The following LRBA variants were observed in gnomAD, a reference collection of about 807,000 sequenced individuals.
LRBA encodes LPS responsive beige-like anchor protein.
In LRBA, 176 loss-of-function variants were observed where a neutral mutation model predicts 330.0. The ratio of observed to expected loss-of-function variants is 0.53; its 90% confidence interval spans 0.47 to 0.60. The LOEUF (loss-of-function observed/expected upper bound fraction) is 0.60, where lower values mean the gene tolerates loss of function less well. LRBA is among the 20% of genes least tolerant of loss of function. LRBA has a pLI of 0.00. For synonymous variants in LRBA, 1,230 were observed against 1,193.0 expected (o/e 1.03, Z -0.64); for missense variants, 3,259 against 3,444.8 (o/e 0.95, Z 1.35).
intron 35 of LRBA, among the ~76,000 whole-genome samples, chr4:150,740,673 G>GA (rs1302508143): frequency 1.4e-5 from 2 of 143,328 alleles, no homozygotes; most frequent in Non-Finnish European, 3.1e-5. Context: ...AAAACTTAAA[G>GA]AAAAAAGTAT....
chr4:150,281,379 G>A (rs1220274966), intron 55 of LRBA, among the ~76,000 whole-genome samples: 2 of 152,128 alleles, frequency 1.3e-5, no homozygotes, highest in Non-Finnish European at 2.9e-5. Context: ...AGACAAGAAG[G>A]AAGCCGTCCA....
chr4:150,583,857 G>C lies in LRBA; in HGVS notation c.6330+4191C>G. 1 of 1,614,142 alleles carries C rather than the reference G, an allele frequency of 6.2e-7. No individual in the cohort carries two copies. Among genetic ancestry groups the C allele is most frequent in the Non-Finnish European group, 8.5e-7 (1 of 1,180,018 alleles). On this transcript the variant is annotated intron_variant, in intron 40 of 56. Transcript: ENST00000651943. This position sits in a 1 kb window ranked among gnomAD's most constrained non-coding sequence, Gnocchi z 9.8. ...CGCTCAACAACTACCACATGAAGAC[G>C]CTGCTGCTGTACGAGTGCGAGAAAC...
chr4:150,525,802 T>C (rs138093303), intron 40 of LRBA, among the ~76,000 whole-genome samples: 6 of 152,180 alleles, frequency 3.9e-5, no homozygotes, highest in Admixed American at 6.5e-5. Flanking sequence ...TATATTATGC[T>C]AGGTTGTAGG....
chr4:150,952,791 T>C (rs1736989946), intron 2 of LRBA, among the ~76,000 whole-genome samples: 1 of 152,232 alleles, frequency 6.6e-6, no homozygotes, highest in Admixed American at 6.5e-5. Flanking sequence ...TCTCTCTGTG[T>C]ATGCATGAAT....
At chr4:150,346,939 T>C (rs560068116) in intron 48 of LRBA, among the ~76,000 whole-genome samples, 8 of 152,186 alleles carry the variant, frequency 5.3e-5, no homozygotes, top group South Asian at 2.1e-4. Context: ...TTGTTCATAA[T>C]AGCCAAAAGA....
intron 40 of LRBA, among the ~76,000 whole-genome samples, chr4:150,521,209 T>C (rs1762888732): frequency 6.6e-6 from 1 of 152,126 alleles, no homozygotes; most frequent in African/African-American, 2.4e-5. Context: ...TAAAGTTGAT[T>C]TTTTTCCTTT....
intron 40 of LRBA, among the ~76,000 whole-genome samples, chr4:150,524,452 TAAACCA>T (rs2152178987): frequency 6.6e-6 from 1 of 152,248 alleles, no homozygotes; most frequent in South Asian, 2.1e-4. Context: ...TTCCAAGGGA[TAAACCA>T]AAACCAATGG....
intron 25 of LRBA, 114 bp downstream of exon 25, chr4:150,849,308 T>G (rs1482110649): frequency 4.5e-6 from 4 of 897,262 alleles, no homozygotes; most frequent in East Asian, 5.0e-5. Flanking sequence ...ATCCTATTGT[T>G]TTTTATTTAT....
chr4:150,522,506 A>G (rs1701962715), intron 40 of LRBA, among the ~76,000 whole-genome samples: 1 of 152,192 alleles, frequency 6.6e-6, no homozygotes, highest in South Asian at 2.1e-4. Context: ...TGCCACACCT[A>G]TTACATGCCC....
At chr4:150,656,965 T>C (rs1414097287) in intron 37 of LRBA, among the ~76,000 whole-genome samples, 1 of 152,182 alleles carries the variant, frequency 6.6e-6, no homozygotes, top group Non-Finnish European at 1.5e-5. Context: ...ATATGTAACA[T>C]ATATAAGCCA....
At chr4:150,643,964 C>G (rs1317571254) in intron 37 of LRBA, among the ~76,000 whole-genome samples, 1 of 151,922 alleles carries the variant, frequency 6.6e-6, no homozygotes, top group Non-Finnish European at 1.5e-5. Context: ...CACTGATGCT[C>G]AGCACATTTC....
chr4:150,813,267 G>C (rs908592665), intron 31 of LRBA, among the ~76,000 whole-genome samples: 3 of 151,668 alleles, frequency 2.0e-5, no homozygotes, highest in Non-Finnish European at 4.4e-5. Flanking sequence ...TCTAGATTTT[G>C]ATATATTTAC....
intron 2 of LRBA, among the ~76,000 whole-genome samples, chr4:151,009,029 A>ATG (rs1491079578): frequency 6.3e-4 from 3 of 4,752 alleles, no homozygotes; most frequent in Non-Finnish European, 1.6e-3. Flanking sequence ...ATATATATAA[A>ATG]ATGGTATTTT....
chr4:150,432,892 T>C (rs906913277), intron 46 of LRBA, among the ~76,000 whole-genome samples: 1 of 152,152 alleles, frequency 6.6e-6, no homozygotes, highest in Admixed American at 6.5e-5. Flanking sequence ...TGTATAACCA[T>C]ATATTATACA....
At chr4:150,293,266 A>C (rs142027311) in intron 53 of LRBA, among the ~76,000 whole-genome samples, 2 of 152,246 alleles carry the variant, frequency 1.3e-5, no homozygotes, top group Non-Finnish European at 2.9e-5. Context: ...ATGGTAAATC[A>C]AGAAAGGAAA....
At chr4:150,310,423 A>G (rs1314566266) in intron 51 of LRBA, 39 bp from the exon 52 acceptor site, 4 of 1,469,206 alleles carry the variant, frequency 2.7e-6, no homozygotes, top group Non-Finnish European at 3.8e-6. Flanking sequence ...TTAAATCCAC[A>G]TGGGCAAAGA....
intron 2 of LRBA, among the ~76,000 whole-genome samples, chr4:150,999,971 A>C (rs1743150677): frequency 6.6e-6 from 1 of 152,226 alleles, no homozygotes; most frequent in African/African-American, 2.4e-5. Context: ...AATGCTATAT[A>C]CACTATGTTT....
At chr4:150,836,252 C>T (rs1228139851) in intron 28 of LRBA, among the ~76,000 whole-genome samples, 2 of 152,108 alleles carry the variant, frequency 1.3e-5, no homozygotes, top group Non-Finnish European at 2.9e-5. Context: ...GGATATTGGT[C>T]TAAAATTCTC....
At chr4:150,592,976 A>G (rs1773078418) in intron 38 of LRBA, among the ~76,000 whole-genome samples, 1 of 152,084 alleles carries the variant, frequency 6.6e-6, no homozygotes. Flanking sequence ...CTTACAATTA[A>G]CCAATAATTT....
Sources: gnomAD v4.1 joint callset for allele counts (sites outside exome capture counted in the v4.1 genomes callset) on GRCh38, gnomAD v4.1.1 for gene constraint, Gnocchi (gnomAD v3.1) non-coding constraint, MANE v1.5 for transcripts, NCBI Gene and HGNC (gene_info 2026-07-23, HGNC 2026-07-21) for gene names.